Variants in TRARG1 observed in about 807,000 individuals in gnomAD.
TRARG1 encodes trafficking regulator of GLUT4 (SLC2A4) 1 (gene/pseudogene).
TRARG1 carries 16 observed loss-of-function variants against 13.3 expected under a neutral mutation model. The observed-to-expected ratio is 1.20, with a 90% CI of 0.81 to 1.83. The LOEUF is 1.83. TRARG1 is among the 40% of genes most tolerant of loss of function. The probability of loss-of-function intolerance (pLI) is 0.00; values close to 1 mark genes in which losing one functional copy is unlikely to be tolerated. For missense variants in TRARG1, 250 were observed against 237.4 expected, an observed-to-expected ratio of 1.05 and a Z score of -0.35; for synonymous variants, 113 against 106.2, an observed-to-expected ratio of 1.06 and a Z score of -0.39.
chr17:1,295,699 A>G (rs1415987641), intron 2 of TRARG1, 76 bp downstream of exon 2: 5 of 1,475,774 alleles, frequency 3.4e-6, no homozygotes, highest in African/African-American at 1.4e-5. Context: ...ACCCAGCCTC[A>G]GGGGCAGAGG....
At chr17:1,289,958 C>T (rs561741843) in intron 1 of TRARG1, among the ~76,000 whole-genome samples, 17 of 152,204 alleles carry the variant, frequency 1.1e-4, no homozygotes, top group East Asian at 3.9e-4. Context: ...GCACCCAAGC[C>T]GGGAACCCCG....
At position 1,295,482 on chromosome 17, in the gene TRARG1, T is replaced by C; in HGVS notation, c.388-9T>C. The C allele has an allele frequency of 6.3e-7, 1 of 1,598,784 alleles. No individual in the cohort carries two copies. The highest frequency in any genetic ancestry group is 1.1e-5 in the South Asian group (1 of 89,020). On this transcript the variant is annotated splice_polypyrimidine_tract_variant and intron_variant, in intron 1 of 2. Coordinates refer to ENST00000333813, the MANE Select transcript of TRARG1 (RefSeq NM_172367.3). The stretch of plus-strand genomic sequence containing the variant: ...CGGTTCCCGGGGTCTCTCTGTGCTC[T>C]CTCCGCAGTCTCGAAGCAGCATGCA...
At chr17:1,298,176 A>C (rs2072126018) in intron 2 of TRARG1, 75 bp from the exon 3 acceptor site, 1 of 1,599,724 alleles carries the variant, frequency 6.3e-7, no homozygotes, top group South Asian at 1.1e-5. Flanking sequence ...CCAGAAACCC[A>C]AATCCTCCAG....
chr17:1,280,001 C>T lies in TRARG1; in HGVS notation c.-1C>T. ...TGCAGCCGCGCAAGGCCCAGGCCCC[C>T]ATGGCCCACCCGGTGCAGTCCGAGT... On this transcript the variant is annotated 5_prime_UTR_variant, in exon 1 of 3. Transcript: ENST00000333813. 1 of 1,609,340 alleles carries T rather than the reference C, an allele frequency of 6.2e-7. No homozygotes were observed. Among genetic ancestry groups the T allele is most frequent in the East Asian group, 2.2e-5 (1 of 44,828 alleles).
intron 1 of TRARG1, among the ~76,000 whole-genome samples, chr17:1,283,037 A>G (rs1318806288): frequency 6.6e-6 from 1 of 152,130 alleles, no homozygotes; most frequent in Non-Finnish European, 1.5e-5. Flanking sequence ...GGCTGGGCAC[A>G]GGGAATACAT....
In TRARG1 at chr17:1,295,518, G is replaced by T. The variant is rs777926793; in HGVS notation, c.415G>T (p.Val139Leu). The T allele has an allele frequency of 6.2e-7, 1 of 1,611,424 alleles. No homozygotes were observed. The highest frequency in any genetic ancestry group is 1.7e-4 in the Middle Eastern group (1 of 6,052). ...TCGAAGCAGCATGCAACAGGGCAAC[G>T]TGGACGGCGCCCGGAGGCTGGGCCG... The part of the protein sequence containing the change: ...MSRSSMQQGN[V>L]DGARRLGRLA... Residue 139 changes from valine (V) to leucine (L), a missense_variant, in exon 2 of 3, where the codon GTG becomes TTG. By Grantham distance (32) the Val-to-Leu change is conservative. Coordinates refer to ENST00000333813, the MANE Select transcript of TRARG1 (RefSeq NM_172367.3).
intron 1 of TRARG1, among the ~76,000 whole-genome samples, chr17:1,293,263 G>A (rs1324270248): frequency 8.6e-5 from 11 of 128,108 alleles, no homozygotes; most frequent in East Asian, 2.3e-4. Context: ...CAGCCTGGGC[G>A]ACAGAGCAAG....
Position 1,279,911 on chromosome 17 carries a change from C to T in TRARG1, c.-91C>T. ...ACGCCCCTGCCCCCGACCTGGAGGCCCTCAGTCTGGGCTGGGGAATGGCGC... is the reference window on the plus strand; with the variant it reads ...ACGCCCCTGCCCCCGACCTGGAGGCTCTCAGTCTGGGCTGGGGAATGGCGC... On this transcript the variant is annotated 5_prime_UTR_variant, in exon 1 of 3. Transcript: ENST00000333813. 1 of 1,466,330 alleles carries T rather than the reference C, an allele frequency of 6.8e-7. No homozygotes were observed. Among genetic ancestry groups the T allele is most frequent in the Middle Eastern group, 2.3e-4 (1 of 4,290 alleles). The allele number at this position is 1,466,330 out of a possible 1,614,324, so 90.8% of individuals were successfully genotyped here. A position where few individuals can be genotyped will look rare whatever the true frequency, so the allele number is the denominator to read the frequency against.
chr17:1,287,744 C>T (rs1303895528), intron 1 of TRARG1, among the ~76,000 whole-genome samples: 1 of 152,064 alleles, frequency 6.6e-6, no homozygotes, highest in Non-Finnish European at 1.5e-5. Flanking sequence ...CCTCCACCTC[C>T]CAGGCTCAAG....
chr17:1,293,404 C>T (rs185941124), intron 1 of TRARG1, among the ~76,000 whole-genome samples: 5 of 151,136 alleles, frequency 3.3e-5, no homozygotes, highest in Non-Finnish European at 1.5e-5. Flanking sequence ...AGGAGAGGTA[C>T]AAGGCGTGGG....
In TRARG1 at chr17:1,299,903, A is replaced by G. The variant is rs572325045; in HGVS notation, c.*1639A>G. On this transcript the variant is annotated 3_prime_UTR_variant, in exon 3 of 3. Coordinates refer to ENST00000333813, the MANE Select transcript of TRARG1 (RefSeq NM_172367.3). ...GCAGGTCAGTACAGAGGTTCTGTCTACAGGGAGGGGCCCTGGGTCTATGCA... is the reference window on the plus strand; with the variant it reads ...GCAGGTCAGTACAGAGGTTCTGTCTGCAGGGAGGGGCCCTGGGTCTATGCA... 1 of 152,372 alleles carries G rather than the reference A, an allele frequency of 6.6e-6. No homozygotes were observed. Among genetic ancestry groups the G allele is most frequent in the South Asian group, 2.1e-4 (1 of 4,820 alleles). The allele number at this position is 152,372 out of a possible 1,614,324, so 9.4% of individuals were successfully genotyped here. A position where few individuals can be genotyped will look rare whatever the true frequency, so the allele number is the denominator to read the frequency against.
chr17:1,297,545 T>A (rs541892713), intron 2 of TRARG1, among the ~76,000 whole-genome samples: 1 of 150,556 alleles, frequency 6.6e-6, no homozygotes, highest in African/African-American at 2.4e-5. Flanking sequence ...TCTCACCAAA[T>A]GACGCCTTGG....
At chr17:1,284,838 A>C (rs1056214659) in intron 1 of TRARG1, among the ~76,000 whole-genome samples, 2 of 151,214 alleles carry the variant, frequency 1.3e-5, no homozygotes. Context: ...CCGCCACCAC[A>C]CCCTGCTAAT....
intron 1 of TRARG1, among the ~76,000 whole-genome samples, chr17:1,283,360 T>A (rs2071997495): frequency 6.6e-6 from 1 of 152,048 alleles, no homozygotes; most frequent in African/African-American, 2.4e-5. Flanking sequence ...GCGGGGAGCC[T>A]CCCGGGGGAG....
chr17:1,285,667 A>C (rs1446116071), intron 1 of TRARG1, among the ~76,000 whole-genome samples: 5 of 151,868 alleles, frequency 3.3e-5, no homozygotes, highest in Non-Finnish European at 7.4e-5. Flanking sequence ...TAGTGAGCTG[A>C]GATTGTGCTA....
intron 1 of TRARG1, among the ~76,000 whole-genome samples, chr17:1,288,017 C>G (rs1428594896): frequency 6.6e-6 from 1 of 152,024 alleles, no homozygotes; most frequent in Non-Finnish European, 1.5e-5. Flanking sequence ...TCCCTGAACT[C>G]TAGTCCTGAC....
chr17:1,290,713 C>T (rs565972578), intron 1 of TRARG1, among the ~76,000 whole-genome samples: 1 of 152,144 alleles, frequency 6.6e-6, no homozygotes, highest in African/African-American at 2.4e-5. Flanking sequence ...AATCGCAATC[C>T]CTGCCTCACT....
rs1031747832 is a variant in TRARG1 at position 1,299,798 on chromosome 17, G to A, written c.*1534G>A. On this transcript the variant is annotated 3_prime_UTR_variant, in exon 3 of 3. Coordinates refer to ENST00000333813, the MANE Select transcript of TRARG1 (RefSeq NM_172367.3). ...AAAGCTGTTGAAGTCAGCATCCTTT[G>A]TCCCATCAGGACCCTCCTGCCTCCT... The A allele has an allele frequency of 8.0e-5, 12 of 150,604 alleles. No homozygotes were observed. Among genetic ancestry groups the A allele is most frequent in the African/African-American group, 3.0e-4 (12 of 39,432 alleles). The allele number at this position is 150,604 out of a possible 1,614,324, so 9.3% of individuals were successfully genotyped here. A position where few individuals can be genotyped will look rare whatever the true frequency, so the allele number is the denominator to read the frequency against.
intron 1 of TRARG1, among the ~76,000 whole-genome samples, chr17:1,295,036 G>T (rs2072100683): frequency 6.6e-6 from 1 of 152,142 alleles, no homozygotes; most frequent in Non-Finnish European, 1.5e-5. Flanking sequence ...CAGAGGAGAG[G>T]AGGCCAGCGT....
Sources: gnomAD v4.1 joint callset for allele counts (sites outside exome capture counted in the v4.1 genomes callset) on GRCh38, gnomAD v4.1.1 for gene constraint, MANE v1.5 for transcripts, NCBI Gene and HGNC (gene_info 2026-07-23, HGNC 2026-07-21) for gene names.